Variants in CCDC148 observed in about 807,000 individuals in gnomAD.
CCDC148 encodes the protein coiled-coil domain-containing protein 148.
Under a neutral mutation model 85.7 loss-of-function variants are expected in CCDC148, and 89 were observed. The ratio of observed to expected loss-of-function variants is 1.04; its 90% CI spans 0.87 to 1.24. The LOEUF (loss-of-function observed/expected upper bound fraction) is 1.24, where lower values mean the gene tolerates loss of function less well. CCDC148 is among the 50% of genes most tolerant of loss of function. CCDC148 has a pLI of 0.00. For synonymous variants in CCDC148, 230 were observed against 213.9 expected (o/e 1.08, Z -0.66); for missense variants, 692 against 671.7 (o/e 1.03, Z -0.33).
intron 10 of CCDC148, among the ~76,000 whole-genome samples, chr2:158,242,924 A>G (rs563150788): frequency 2.0e-5 from 3 of 152,150 alleles, no homozygotes; most frequent in African/African-American, 7.2e-5. Context: ...GGGAATGCTC[A>G]TCTTCCACTC....
intron 10 of CCDC148, among the ~76,000 whole-genome samples, chr2:158,223,349 C>T (rs1281592365): frequency 1.3e-5 from 2 of 152,200 alleles, no homozygotes; most frequent in African/African-American, 4.8e-5. Flanking sequence ...CCCACTGCAG[C>T]TCAAGGAGGC....
intron 1 of CCDC148, among the ~76,000 whole-genome samples, chr2:158,399,511 A>T (rs1357147166): frequency 6.6e-6 from 1 of 152,174 alleles, no homozygotes; most frequent in Admixed American, 6.5e-5. Flanking sequence ...CATAAACAGA[A>T]CCAACGACAA....
intron 2 of CCDC148, among the ~76,000 whole-genome samples, chr2:158,350,845 G>T (rs976876889): frequency 2.0e-5 from 3 of 152,026 alleles, no homozygotes; most frequent in African/African-American, 7.2e-5. Context: ...TTAAATCAGG[G>T]TATTTTGCAC....
chr2:158,433,617 C>A (rs1461155174), intron 1 of CCDC148, among the ~76,000 whole-genome samples: 1 of 152,136 alleles, frequency 6.6e-6, no homozygotes, highest in East Asian at 1.9e-4. Flanking sequence ...ATTCATCTCA[C>A]TGCGGCTTGT....
chr2:158,230,439 T>C (rs1250787118), intron 10 of CCDC148, among the ~76,000 whole-genome samples: 1 of 151,354 alleles, frequency 6.6e-6, no homozygotes, highest in African/African-American at 2.4e-5. Flanking sequence ...TGGAGGGGAG[T>C]ACATTGGGAA....
At chr2:158,360,652 C>T (rs918774491) in intron 1 of CCDC148, among the ~76,000 whole-genome samples, 7 of 152,064 alleles carry the variant, frequency 4.6e-5, no homozygotes, top group Admixed American at 1.3e-4. Context: ...GATGTCCACT[C>T]GGAAACCCCA....
At chr2:158,256,514 C>T (rs1045274722) in intron 9 of CCDC148, among the ~76,000 whole-genome samples, 1 of 151,690 alleles carries the variant, frequency 6.6e-6, no homozygotes, top group African/African-American at 2.4e-5. Context: ...ATATTATATT[C>T]TATTGGCCAT....
chr2:158,358,377 T>C, intron 2 of CCDC148, 72 bp downstream of exon 2: 1 of 1,527,262 alleles, frequency 6.5e-7, no homozygotes, highest in Non-Finnish European at 8.8e-7. Context: ...ATTTTCACAT[T>C]GACAATGTAA....
At position 158,399,136 on chromosome 2, in the gene CCDC148, A is replaced by G. The variant is rs145372283; in HGVS notation, c.26-40566T>C. 1.7e-3 allele frequency among the ~76,000 whole-genome samples: 262 copies of G among 152,334 alleles called. 7 individuals carry two copies. In the East Asian group the frequency reaches 0.046, roughly 27 times the overall value. ...TTCTGAAATTGAGGCAATAGTTAAT[A>G]GCCTACCAACCAAAAAAGTCCAGGA... On this transcript the variant is annotated intron_variant, in intron 1 of 13. Coordinates refer to ENST00000283233, the MANE Select transcript of CCDC148 (RefSeq NM_138803.4).
intron 10 of CCDC148, among the ~76,000 whole-genome samples, chr2:158,237,950 A>C (rs1271684813): frequency 6.6e-6 from 1 of 152,180 alleles, no homozygotes; most frequent in Non-Finnish European, 1.5e-5. Context: ...GGCAGTGATC[A>C]ATTCCATCAT....
intron 1 of CCDC148, among the ~76,000 whole-genome samples, chr2:158,391,354 C>A (rs76214648): frequency 0.055 from 8,302 of 152,182 alleles, 431 homozygotes; most frequent in African/African-American, 0.13. Context: ...TACTCCTAAA[C>A]CATACAAGCT....
At chr2:158,184,391 C>T (rs1324923425) in intron 11 of CCDC148, among the ~76,000 whole-genome samples, 1 of 152,090 alleles carries the variant, frequency 6.6e-6, no homozygotes, top group African/African-American at 2.4e-5. Context: ...TACTATGTGT[C>T]AAGCACTGTT....
At chr2:158,291,654 A>C (rs1474350142) in intron 9 of CCDC148, among the ~76,000 whole-genome samples, 1 of 152,028 alleles carries the variant, frequency 6.6e-6, no homozygotes, top group Non-Finnish European at 1.5e-5. Flanking sequence ...TCTTATACAT[A>C]TCTCTCCCAT....
intron 1 of CCDC148, among the ~76,000 whole-genome samples, chr2:158,383,221 G>A (rs1369355970): frequency 6.6e-6 from 1 of 151,946 alleles, no homozygotes; most frequent in Non-Finnish European, 1.5e-5. Context: ...GGAGGCTGAG[G>A]CAGAAGAATC....
chr2:158,331,319 G>T (rs945652655), intron 7 of CCDC148, among the ~76,000 whole-genome samples: 32 of 152,160 alleles, frequency 2.1e-4, no homozygotes, highest in Non-Finnish European at 4.3e-4. Flanking sequence ...GAGCAGTTTT[G>T]AGTGAGTTTC....
intron 11 of CCDC148, among the ~76,000 whole-genome samples, chr2:158,212,267 C>G (rs1224103611): frequency 6.6e-6 from 1 of 152,194 alleles, no homozygotes; most frequent in Non-Finnish European, 1.5e-5. Context: ...TTTGAGAAAT[C>G]TCATGCTGAG....
At chr2:158,244,535 G>A (rs192492159) in intron 10 of CCDC148, among the ~76,000 whole-genome samples, 2 of 152,130 alleles carry the variant, frequency 1.3e-5, no homozygotes, top group Non-Finnish European at 2.9e-5. Flanking sequence ...CCATCAGCCC[G>A]GGCCACCCTC....
In CCDC148 at chr2:158,406,628, T is replaced by TTGTTTTTGTTTTTGTTTTTG. The variant is rs1559124655; in HGVS notation, c.26-48059_26-48058insCAAAAACAAAAACAAAAACA. The stretch of plus-strand genomic sequence containing the variant: ...GATTAAATTTCTTTTTTTTTTTTTT[T>TTGTTTTTGTTTTTGTTTTTG]TTTTTTTTTTTTGAGACAGTGTCTC... On this transcript the variant is annotated intron_variant, in intron 1 of 13. Transcript: ENST00000283233. 6.0e-4 allele frequency among the ~76,000 whole-genome samples: 72 copies of TTGTTTTTGTTTTTGTTTTTG among 119,058 alleles called. 1 individual carries two copies. The highest frequency in any genetic ancestry group is 2.0e-3 in the African/African-American group (64 of 32,712). The allele number at this position is 119,058 out of a possible 152,430, so 78.1% of individuals were successfully genotyped here.
intron 1 of CCDC148, among the ~76,000 whole-genome samples, chr2:158,406,627 T>TTTTTTTTTGTTTTTG (rs1553518882): frequency 3.7e-5 from 5 of 135,748 alleles, no homozygotes; most frequent in Admixed American, 7.3e-5. Flanking sequence ...TTTTTTTTTT[T>TTTTTTTTTGTTTTTG]TTTTTTTTTT....
Sources: gnomAD v4.1 joint callset for allele counts (sites outside exome capture counted in the v4.1 genomes callset) on GRCh38, gnomAD v4.1.1 for gene constraint, MANE v1.5 for transcripts, NCBI Gene and HGNC (gene_info 2026-07-23, HGNC 2026-07-21) for gene names.